Variants in GABRB2 observed in about 807,000 individuals in gnomAD.
GABRB2 encodes gamma-aminobutyric acid type A receptor subunit beta2, also known as gamma-aminobutyric acid receptor subunit beta-2.
GABRB2 carries 16 observed loss-of-function variants against 54.7 expected under a neutral mutation model. The observed-to-expected ratio is 0.29, with a 90% CI of 0.20 to 0.44. The LOEUF is 0.44. Among genes scored for constraint, GABRB2 ranks in the 20% least tolerant of loss-of-function variants. GABRB2 has a pLI of 1.00. For missense variants in GABRB2, 355 were observed against 644.0 expected, an observed-to-expected ratio of 0.55 and a Z score of 4.86; for synonymous variants, 244 against 233.8, an observed-to-expected ratio of 1.04 and a Z score of -0.40.
chr5:161,436,980 C>G (rs1444777693), intron 4 of GABRB2, among the ~76,000 whole-genome samples: 2 of 152,038 alleles, frequency 1.3e-5, no homozygotes, highest in African/African-American at 4.8e-5. Context: ...TCCCAGCAGT[C>G]CAAACTTGAG....
intron 9 of GABRB2, among the ~76,000 whole-genome samples, chr5:161,312,172 G>A (rs973806150): frequency 6.6e-6 from 1 of 152,098 alleles, no homozygotes; most frequent in Non-Finnish European, 1.5e-5. Flanking sequence ...CAGTCTGATG[G>A]CTTCTGTGCA....
intron 5 of GABRB2, among the ~76,000 whole-genome samples, chr5:161,343,152 A>C (rs1468105903): frequency 6.6e-6 from 1 of 152,054 alleles, no homozygotes; most frequent in East Asian, 1.9e-4. Context: ...ACTCTGAGTG[A>C]TTGCTCTGAC....
At chr5:161,332,662 T>C (rs755746229) in intron 7 of GABRB2, among the ~76,000 whole-genome samples, 5 of 152,208 alleles carry the variant, frequency 3.3e-5, no homozygotes, top group Non-Finnish European at 7.3e-5. Flanking sequence ...GAGTTGCCAT[T>C]GGAATGAGAA....
chr5:161,545,158 T>C, intron 3 of GABRB2, 69 bp downstream of exon 3: 1 of 1,167,868 alleles, frequency 8.6e-7, no homozygotes, highest in South Asian at 1.4e-5. Flanking sequence ...CCCCAATAGC[T>C]GGCTCATTTC....
chr5:161,442,706 T>A (rs1413582400), intron 4 of GABRB2, among the ~76,000 whole-genome samples: 1 of 152,128 alleles, frequency 6.6e-6, no homozygotes, highest in African/African-American at 2.4e-5. Context: ...TGACACTCAA[T>A]CTGCTTTACC....
intron 3 of GABRB2, among the ~76,000 whole-genome samples, chr5:161,489,790 C>G (rs2113349529): frequency 6.6e-6 from 1 of 151,852 alleles, no homozygotes; most frequent in African/African-American, 2.4e-5. Context: ...TCAAAAGTCA[C>G]TACTTACATT....
At chr5:161,467,887 G>T (rs1159755049) in intron 3 of GABRB2, among the ~76,000 whole-genome samples, 1 of 152,030 alleles carries the variant, frequency 6.6e-6, no homozygotes, top group Non-Finnish European at 1.5e-5. Flanking sequence ...AACTACAATT[G>T]CCTCTTACGT....
Position 161,355,000 on chromosome 5 carries a change from C to T in GABRB2, c.542-18231G>A, listed in dbSNP as rs552024627. ...TGTCTCTTAGCACTTGCCTTGTATT[C>T]CCTTCATGAAGATCTCTACATGGAT... On this transcript the variant is annotated intron_variant, in intron 5 of 9. Coordinates refer to ENST00000393959, the MANE Select transcript of GABRB2 (RefSeq NM_001371727.1). 6.7e-3 allele frequency among the ~76,000 whole-genome samples: 1,016 copies of T among 151,950 alleles called. 7 individuals carry two copies. Among genetic ancestry groups the T allele is most frequent in the Middle Eastern group, 0.02 (6 of 294 alleles).
At chr5:161,385,601 AAAC>A (rs1223789367) in intron 5 of GABRB2, among the ~76,000 whole-genome samples, 1 of 152,162 alleles carries the variant, frequency 6.6e-6, no homozygotes, top group East Asian at 1.9e-4. Flanking sequence ...TAAAATCTGA[AAAC>A]AAAATTATTT....
At position 161,463,086 on chromosome 5, in the gene GABRB2, T is replaced by C. The variant is rs117681207; in HGVS notation, c.238-3242A>G. Among the ~76,000 whole-genome samples the C allele has an allele frequency of 2.9e-4, 44 of 152,034 alleles. 1 individual carries two copies. In the East Asian group the frequency reaches 3.3e-3, roughly 11 times the overall value. On this transcript the variant is annotated intron_variant, in intron 3 of 9. Coordinates refer to ENST00000393959, the MANE Select transcript of GABRB2 (RefSeq NM_001371727.1). ...TTTACATAATTAAAACTAAAGCCAA[T>C]TGATTTTCAATACCAAACAAGATAA... is the stretch of plus-strand genomic sequence containing the variant.
chr5:161,407,416 ATT>A (rs202174655), intron 5 of GABRB2, among the ~76,000 whole-genome samples: 1 of 151,468 alleles, frequency 6.6e-6, no homozygotes, highest in Non-Finnish European at 1.5e-5. Context: ...ATTAAAACTT[ATT>A]TTTTTTTAAA....
intron 3 of GABRB2, among the ~76,000 whole-genome samples, chr5:161,503,984 C>T (rs1332715296): frequency 1.3e-5 from 2 of 152,004 alleles, no homozygotes; most frequent in African/African-American, 2.4e-5. Context: ...ATGACAAAAA[C>T]ATCAATACAT....
chr5:161,496,631 A>C (rs544381761), intron 3 of GABRB2, among the ~76,000 whole-genome samples: 30 of 152,184 alleles, frequency 2.0e-4, no homozygotes, highest in African/African-American at 7.2e-4. Context: ...ACAGAAGAGC[A>C]ATATGAGCAT....
chr5:161,524,322 CA>C (rs1760206558), intron 3 of GABRB2, among the ~76,000 whole-genome samples: 1 of 151,620 alleles, frequency 6.6e-6, no homozygotes, highest in African/African-American at 2.4e-5. Context: ...AGAAATGTGA[CA>C]GTAAAATATG....
At chr5:161,357,298 T>C (rs999187318) in intron 5 of GABRB2, among the ~76,000 whole-genome samples, 2 of 151,320 alleles carry the variant, frequency 1.3e-5, no homozygotes, top group Admixed American at 1.3e-4. Context: ...GCATCCGAGG[T>C]AGAGAGGGCA....
chr5:161,427,469 T>C (rs1757035479), intron 4 of GABRB2, among the ~76,000 whole-genome samples: 1 of 152,172 alleles, frequency 6.6e-6, no homozygotes, highest in Non-Finnish European at 1.5e-5. Context: ...GTCAAGGTGA[T>C]GGAGGCAGGG....
intron 5 of GABRB2, among the ~76,000 whole-genome samples, chr5:161,397,207 T>G (rs918812663): frequency 1.3e-5 from 2 of 152,178 alleles, no homozygotes; most frequent in African/African-American, 4.8e-5. Flanking sequence ...CAAGTAACTT[T>G]TCTACATCTG....
chr5:161,421,498 A>G (rs1359190496), intron 4 of GABRB2, among the ~76,000 whole-genome samples: 2 of 152,216 alleles, frequency 1.3e-5, no homozygotes, highest in East Asian at 1.9e-4. Flanking sequence ...ACTTGCTGAA[A>G]GTTCAGTGGG....
chr5:161,323,188 A>C (rs1213343831), intron 9 of GABRB2, among the ~76,000 whole-genome samples: 1 of 151,894 alleles, frequency 6.6e-6, no homozygotes, highest in Non-Finnish European at 1.5e-5. Context: ...CACCCAGCTA[A>C]TTTTTTGTAT....
Sources: allele counts gnomAD v4.1 joint callset (sites outside exome capture counted in the v4.1 genomes callset), GRCh38; gene constraint gnomAD v4.1.1; transcripts MANE v1.5; gene names NCBI Gene and HGNC (gene_info 2026-07-23, HGNC 2026-07-21).